DPH6: variants seen among roughly 807,000 people sequenced by gnomAD.
DPH6 encodes the protein diphthine--ammonia ligase.
DPH6 carries 33 observed loss-of-function variants against 38.2 expected under a neutral mutation model. The observed-to-expected ratio is 0.86, with a 90% CI of 0.65 to 1.15. The LOEUF is 1.15. Ranked by LOEUF, DPH6 falls within the 50% of genes most tolerant of loss-of-function variation. DPH6 has a pLI of 0.00. For synonymous variants in DPH6, 108 were observed against 103.0 expected (o/e 1.05, Z -0.30); for missense variants, 325 against 320.0 (o/e 1.02, Z -0.12).
intron 3 of DPH6, among the ~76,000 whole-genome samples, chr15:35,224,825 A>G (rs555643610): frequency 3.9e-4 from 60 of 152,306 alleles, no homozygotes; most frequent in African/African-American, 1.4e-3. Context: ...AAGTAAATTT[A>G]TATTTACAGA....
chr15:35,206,030 G>C, the DPH6 span, among the ~76,000 whole-genome samples: 1 of 151,998 alleles, frequency 6.6e-6, no homozygotes, highest in African/African-American at 2.4e-5. Context: ...TAACAGATTT[G>C]GTAGTATTTA....
At chr15:35,462,968 A>G (rs930809753) in intron 3 of DPH6, among the ~76,000 whole-genome samples, 2 of 152,208 alleles carry the variant, frequency 1.3e-5, no homozygotes, top group African/African-American at 4.8e-5. Flanking sequence ...AACAAAGGGT[A>G]TCTTTGTCTT....
chr15:35,403,354 T>C (rs117113908), intron 6 of DPH6, among the ~76,000 whole-genome samples: 2,601 of 152,228 alleles, frequency 0.017, 23 homozygotes, highest in Non-Finnish European at 0.026. Context: ...TATATATATA[T>C]ATATGGAGTA....
At chr15:35,299,493 G>C (rs1452530375) in intron 3 of DPH6, 1 of 740,854 alleles carries the variant, frequency 1.3e-6, no homozygotes, top group Non-Finnish European at 2.5e-6. Context: ...ATGGGCCGCG[G>C]TGGCGGCAGC....
At chr15:35,361,133 G>A (rs183676624) in intron 3 of DPH6, among the ~76,000 whole-genome samples, 23 of 152,274 alleles carry the variant, frequency 1.5e-4, no homozygotes, top group Admixed American at 1.2e-3. Flanking sequence ...GAATAGGGCT[G>A]TTACTGACAT....
chr15:35,496,246 G>T (rs965049511), intron 3 of DPH6, among the ~76,000 whole-genome samples: 1 of 151,750 alleles, frequency 6.6e-6, no homozygotes, highest in African/African-American at 2.4e-5. Flanking sequence ...ATCTGAAAAA[G>T]GACTTGTATT....
At chr15:35,409,783 T>C (rs920688918) in intron 6 of DPH6, among the ~76,000 whole-genome samples, 1 of 151,862 alleles carries the variant, frequency 6.6e-6, no homozygotes, top group African/African-American at 2.4e-5. Context: ...GTTCCATAAA[T>C]TGACTTAAAT....
chr15:35,274,273 A>AAAACCCAAAACCATAAAACCCT (rs2051842690), intron 3 of DPH6, among the ~76,000 whole-genome samples: 1 of 152,248 alleles, frequency 6.6e-6, no homozygotes, highest in Admixed American at 6.5e-5. Flanking sequence ...TAAAGACTTA[A>AAAACCCAAAACCATAAAACCCT]GTGTAAAACC....
intron 5 of DPH6, among the ~76,000 whole-genome samples, chr15:35,419,056 A>AACACAC (rs1322020569): frequency 3.6e-5 from 4 of 111,246 alleles, no homozygotes; most frequent in African/African-American, 1.3e-4. Context: ...TTCAAACTAA[A>AACACAC]ACACACACAC....
chr15:35,497,655 T>C (rs902149022), intron 3 of DPH6, among the ~76,000 whole-genome samples: 1 of 152,162 alleles, frequency 6.6e-6, no homozygotes, highest in Non-Finnish European at 1.5e-5. Flanking sequence ...CCACTTACTC[T>C]GTGAATCGAT....
chr15:35,448,185 CTTTG>C (rs146156148), intron 5 of DPH6, among the ~76,000 whole-genome samples: 220 of 151,190 alleles, frequency 1.5e-3, no homozygotes, highest in African/African-American at 5.1e-3. Flanking sequence ...TTTTTTGTTT[CTTTG>C]TTTGTTTTTT....
Position 35,398,399 on chromosome 15 carries a change from T to C in DPH6, c.567+12436A>G, listed in dbSNP as rs1180706870. On this transcript the variant is annotated intron_variant, in intron 6 of 8. Coordinates refer to ENST00000256538, the MANE Select transcript of DPH6 (RefSeq NM_080650.4). ...AATGGAAAAGTGCTGAAAGTTTAGT[T>C]GCTCACCAATGGCCAATGACATAAT... Among the ~76,000 whole-genome samples the C allele has an allele frequency of 2.0e-5, 3 of 152,304 alleles. No homozygotes were observed. In the East Asian group the frequency reaches 5.8e-4, roughly 29 times the overall value.
intron 2 of DPH6, among the ~76,000 whole-genome samples, chr15:35,539,883 C>T (rs2055226485): frequency 6.6e-6 from 1 of 151,986 alleles, no homozygotes; most frequent in Non-Finnish European, 1.5e-5. Flanking sequence ...GATTGGCTTC[C>T]TTCAGAATAT....
chr15:35,249,670 A>C (rs2051658303), intron 3 of DPH6, among the ~76,000 whole-genome samples: 1 of 152,160 alleles, frequency 6.6e-6, no homozygotes, highest in African/African-American at 2.4e-5. Context: ...ATAATATGCC[A>C]CTCCAATTTT....
intron 3 of DPH6, chr15:35,521,840 A>T: frequency 7.6e-7 from 1 of 1,320,826 alleles, no homozygotes; most frequent in Non-Finnish European, 9.6e-7. Context: ...AAAGGAGTAT[A>T]AAAAGCAAAG....
chr15:35,217,860 C>G (rs1395624140), exon 4 of DPH6: 1 of 152,068 alleles, frequency 6.6e-6, no homozygotes, highest in Non-Finnish European at 1.5e-5. Context: ...TCTTGAATAC[C>G]AAAATCTGAG....
At chr15:35,235,942 A>G (rs1379235700) in intron 3 of DPH6, among the ~76,000 whole-genome samples, 1 of 152,224 alleles carries the variant, frequency 6.6e-6, no homozygotes, top group African/African-American at 2.4e-5. Flanking sequence ...AAAGAAACAA[A>G]AGAGAACATG....
At chr15:35,475,622 T>C (rs888111387) in intron 3 of DPH6, among the ~76,000 whole-genome samples, 1 of 151,958 alleles carries the variant, frequency 6.6e-6, no homozygotes, top group Admixed American at 6.6e-5. Context: ...TTTTCTGATG[T>C]TGTTGCTAAA....
Position 35,298,672 on chromosome 15 carries a change from C to T in DPH6, n.200+74849G>A, listed in dbSNP as rs141811727. 4.7e-6 allele frequency: 7 copies of T among 1,491,882 alleles called. No individual in the cohort carries two copies. In the East Asian group the frequency reaches 1.1e-4, roughly 24 times the overall value. 92.4% of individuals were successfully genotyped at this position (1,491,882 alleles called of 1,614,324 possible). A position where few individuals can be genotyped will look rare whatever the true frequency, so the allele number is the denominator to read the frequency against. ...TCTCCACCGAAAAGGCGGTGCTCAG[C>T]CCCTGCTCATGCTTCCCCAGACCCT... On this transcript the variant is annotated intron_variant and non_coding_transcript_variant, in intron 3 of 3. Transcript: ENST00000560386.
Sources: allele counts gnomAD v4.1 joint callset (sites outside exome capture counted in the v4.1 genomes callset), GRCh38; gene constraint gnomAD v4.1.1; transcripts MANE v1.5; gene names NCBI Gene and HGNC (gene_info 2026-07-23, HGNC 2026-07-21).